Variants in HPSE2 observed in about 807,000 individuals in gnomAD.
HPSE2 encodes heparanase 2 (inactive).
HPSE2 carries 38 observed loss-of-function variants against 60.5 expected under a neutral mutation model. The ratio of observed to expected loss-of-function variants is 0.63; its 90% confidence interval spans 0.48 to 0.82. The LOEUF is 0.82. Ranked by LOEUF, HPSE2 falls within the 40% of genes least tolerant of loss-of-function variation. The pLI, the probability that HPSE2 is intolerant of heterozygous loss-of-function variation, is 0.00. For missense variants in HPSE2, 713 were observed against 740.4 expected (o/e 0.96, Z 0.43); for synonymous variants, 295 against 293.2 (o/e 1.01, Z -0.06).
At chr10:98,571,485 A>G (rs1265041463) in intron 9 of HPSE2, among the ~76,000 whole-genome samples, 1 of 152,190 alleles carries the variant, frequency 6.6e-6, no homozygotes. Context: ...TTTACATTTT[A>G]AAAAAGCATT....
intron 3 of HPSE2, among the ~76,000 whole-genome samples, chr10:99,094,804 A>T (rs1295105574): frequency 1.3e-5 from 2 of 151,356 alleles, no homozygotes. Flanking sequence ...TGGTCCGCCC[A>T]CCTCAGCCTC....
chr10:98,675,821 G>A (rs1178459473), intron 6 of HPSE2, among the ~76,000 whole-genome samples: 1 of 152,114 alleles, frequency 6.6e-6, no homozygotes, highest in Non-Finnish European at 1.5e-5. Context: ...CGTGAGCCCA[G>A]GAGTTTGAGA....
At chr10:99,240,512 G>T (rs1049152970), upstream of HPSE2, among the ~76,000 whole-genome samples, 1 of 149,144 alleles carries the variant, frequency 6.7e-6, no homozygotes, top group African/African-American at 2.5e-5. Flanking sequence ...CCAGGTTCAC[G>T]CCATTCTCCT....
intron 3 of HPSE2, among the ~76,000 whole-genome samples, chr10:98,814,310 AT>A (rs1951236209): frequency 6.6e-6 from 1 of 152,212 alleles, no homozygotes; most frequent in Admixed American, 6.5e-5. Flanking sequence ...ATAGCCTATA[AT>A]TTAGCTAAAC....
intron 3 of HPSE2, among the ~76,000 whole-genome samples, chr10:98,776,024 A>G (rs1411116139): frequency 1.3e-5 from 2 of 152,120 alleles, no homozygotes; most frequent in Non-Finnish European, 2.9e-5. Flanking sequence ...AGTCCCCACA[A>G]CCATTACTCT....
intron 2 of HPSE2, among the ~76,000 whole-genome samples, chr10:99,163,895 C>T (rs1846949976): frequency 6.6e-6 from 1 of 151,818 alleles, no homozygotes; most frequent in African/African-American, 2.4e-5. Context: ...GGAACGATAC[C>T]ACAAAGGTAT....
At chr10:99,255,596 G>C in the HPSE2 span, among the ~76,000 whole-genome samples, 1 of 130,538 alleles carries the variant, frequency 7.7e-6, no homozygotes, top group Non-Finnish European at 1.7e-5. Context: ...ACACACACAC[G>C]ACTACAATAG....
At chr10:98,535,012 A>G (rs949745431) in intron 9 of HPSE2, among the ~76,000 whole-genome samples, 1 of 151,924 alleles carries the variant, frequency 6.6e-6, no homozygotes, top group African/African-American at 2.4e-5. Flanking sequence ...CTTCCCTTCC[A>G]CCCGCCTCTC....
At chr10:98,779,673 T>C (rs1950421471) in intron 3 of HPSE2, among the ~76,000 whole-genome samples, 1 of 152,172 alleles carries the variant, frequency 6.6e-6, no homozygotes. Flanking sequence ...AATAAGGATA[T>C]TTTAAGAGGA....
At chr10:98,543,609 G>A (rs1943552771) in intron 9 of HPSE2, among the ~76,000 whole-genome samples, 1 of 152,076 alleles carries the variant, frequency 6.6e-6, no homozygotes, top group South Asian at 2.1e-4. Flanking sequence ...ACACACATGG[G>A]CTCAAAATAA....
intron 9 of HPSE2, among the ~76,000 whole-genome samples, chr10:98,509,954 G>GAC (rs147354591): frequency 2.9e-4 from 44 of 150,330 alleles, no homozygotes; most frequent in African/African-American, 9.0e-4. Flanking sequence ...CTCTGCCAGG[G>GAC]ACACACACAC....
intron 9 of HPSE2, among the ~76,000 whole-genome samples, chr10:98,548,557 T>C (rs1313211022): frequency 1.3e-5 from 2 of 151,460 alleles, no homozygotes; most frequent in Non-Finnish European, 2.9e-5. Context: ...AGAGAGGTTG[T>C]AGTGAGTGGA....
At chr10:98,620,574 T>TG (rs755357440) in intron 8 of HPSE2, 28 bp downstream of exon 8, 24 of 1,535,472 alleles carry the variant, frequency 1.6e-5, no homozygotes, top group Admixed American at 3.3e-5. Flanking sequence ...TGAAAGCCCC[T>TG]GGGGGTGAAC....
At chr10:99,103,338 AACAG>A (rs1346453222) in intron 3 of HPSE2, among the ~76,000 whole-genome samples, 2 of 152,142 alleles carry the variant, frequency 1.3e-5, no homozygotes. Context: ...ATACACCAAT[AACAG>A]ACAAACAGAG....
chr10:99,297,345 C>T, the HPSE2 span, among the ~76,000 whole-genome samples: 4 of 152,250 alleles, frequency 2.6e-5, no homozygotes, highest in South Asian at 2.1e-4. Flanking sequence ...AGGTCCCACA[C>T]TAAAAATCAG....
the HPSE2 span, among the ~76,000 whole-genome samples, chr10:99,280,137 C>T: frequency 1.3e-5 from 2 of 152,172 alleles, no homozygotes; most frequent in Non-Finnish European, 2.9e-5. Context: ...TCTTCAAAGT[C>T]CCTTCCAAAT....
the HPSE2 span, among the ~76,000 whole-genome samples, chr10:99,315,405 C>T: frequency 6.6e-6 from 1 of 152,190 alleles, no homozygotes; most frequent in African/African-American, 2.4e-5. Flanking sequence ...CAAAGATGTT[C>T]TTTTCTTTCC....
intron 2 of HPSE2, among the ~76,000 whole-genome samples, chr10:99,213,700 C>T (rs1305774947): frequency 6.6e-6 from 1 of 151,998 alleles, no homozygotes; most frequent in Non-Finnish European, 1.5e-5. Context: ...TCAAACTGCC[C>T]ACCAATGGGC....
chr10:98,994,289 G>A (rs948536301), intron 3 of HPSE2, among the ~76,000 whole-genome samples: 1 of 152,152 alleles, frequency 6.6e-6, no homozygotes, highest in Non-Finnish European at 1.5e-5. Context: ...TTTCACAGCA[G>A]CCCATAGGAG....
Sources: allele counts gnomAD v4.1 joint callset (sites outside exome capture counted in the v4.1 genomes callset), GRCh38; gene constraint gnomAD v4.1.1; transcripts MANE v1.5; gene names NCBI Gene and HGNC (gene_info 2026-07-23, HGNC 2026-07-21).